The following LAMA2 variants were observed in gnomAD, a reference collection of about 807,000 sequenced individuals.
LAMA2 encodes laminin subunit alpha-2.
In LAMA2, 269 loss-of-function variants were observed where a neutral mutation model predicts 364.8. The observed-to-expected ratio is 0.74, with a 90% CI of 0.67 to 0.82. The LOEUF is 0.82. Ranked by LOEUF, LAMA2 falls within the 40% of genes least tolerant of loss-of-function variation. The probability of loss-of-function intolerance (pLI) is 0.00; values close to 1 mark genes in which losing one functional copy is unlikely to be tolerated. For missense variants in LAMA2, 3,807 were observed against 3,873.2 expected, an observed-to-expected ratio of 0.98 and a Z score of 0.45; for synonymous variants, 1,379 against 1,370.6, an observed-to-expected ratio of 1.01 and a Z score of -0.14.
At chr6:128,927,660 A>G (rs1199922431) in intron 1 of LAMA2, among the ~76,000 whole-genome samples, 3 of 152,116 alleles carry the variant, frequency 2.0e-5, no homozygotes, top group Non-Finnish European at 4.4e-5. Context: ...TGAGGGTCCC[A>G]TCAGTCTTCC....
intron 1 of LAMA2, among the ~76,000 whole-genome samples, chr6:128,893,197 A>G (rs992564065): frequency 5.3e-5 from 8 of 151,910 alleles, no homozygotes; most frequent in African/African-American, 1.9e-4. Flanking sequence ...AAAAATGACA[A>G]TGTAATGTTC....
chr6:129,129,458 G>A (rs1583095443), intron 4 of LAMA2, among the ~76,000 whole-genome samples: 1 of 152,102 alleles, frequency 6.6e-6, no homozygotes, highest in East Asian at 1.9e-4. Flanking sequence ...TGAGGATGAT[G>A]TTTATGCCAT....
chr6:128,913,756 AT>A (rs1208843493), intron 1 of LAMA2, among the ~76,000 whole-genome samples: 9 of 152,162 alleles, frequency 5.9e-5, no homozygotes, highest in African/African-American at 1.9e-4. Context: ...GCATAATCAT[AT>A]TTTTATGTAG....
intron 3 of LAMA2, among the ~76,000 whole-genome samples, chr6:129,091,687 G>A (rs1170515565): frequency 6.6e-6 from 1 of 152,100 alleles, no homozygotes; most frequent in Non-Finnish European, 1.5e-5. Context: ...AAATATGGGT[G>A]GGCAAGCTCC....
chr6:129,208,614 T>TGGAAGAAAGAAAGAAAGAA (rs1470943159), intron 12 of LAMA2, among the ~76,000 whole-genome samples: 4 of 92,834 alleles, frequency 4.3e-5, no homozygotes, highest in Non-Finnish European at 8.4e-5. Context: ...GGAGAAAGAA[T>TGGAAGAAAGAAAGAAAGAA]GGAAGAAAGA....
rs993782050 is a variant in LAMA2 at position 129,192,098 on chromosome 6, C to G, written c.1609-582C>G. On this transcript the variant is annotated intron_variant, in intron 11 of 64. Coordinates refer to ENST00000421865, the MANE Select transcript of LAMA2 (RefSeq NM_000426.4). ...AGTATTGCCAGGTGTTGTCATAGCA[C>G]CAAGGCTGGTGGGTTCAAATATCCT... Among the ~76,000 whole-genome samples, 30 of 152,276 alleles carry G rather than the reference C, an allele frequency of 2.0e-4. 1 individual carries two copies. The highest frequency in any genetic ancestry group is 3.4e-3 in the Middle Eastern group (1 of 294).
At chr6:129,351,198 T>C (rs976067415) in intron 31 of LAMA2, among the ~76,000 whole-genome samples, 1 of 151,984 alleles carries the variant, frequency 6.6e-6, no homozygotes, top group African/African-American at 2.4e-5. Flanking sequence ...GAAAAAAAAA[T>C]TATGATATAG....
At chr6:128,885,694 C>T (rs1012870329) in intron 1 of LAMA2, among the ~76,000 whole-genome samples, 1 of 152,154 alleles carries the variant, frequency 6.6e-6, no homozygotes, top group Non-Finnish European at 1.5e-5. Context: ...TAATTCGATA[C>T]CACTTTATTA....
chr6:129,395,993 G>C (rs1677593859), intron 37 of LAMA2, among the ~76,000 whole-genome samples: 2 of 152,226 alleles, frequency 1.3e-5, no homozygotes. Context: ...GAATCGCATT[G>C]TGAGACTAAG....
At chr6:129,199,218 T>C (rs933071419) in intron 12 of LAMA2, among the ~76,000 whole-genome samples, 1 of 152,150 alleles carries the variant, frequency 6.6e-6, no homozygotes, top group East Asian at 1.9e-4. Flanking sequence ...CCAGTTTAAG[T>C]AATTGACCAT....
chr6:129,508,693 T>C (rs759273864), intron 62 of LAMA2, among the ~76,000 whole-genome samples: 3 of 152,206 alleles, frequency 2.0e-5, no homozygotes, highest in Non-Finnish European at 4.4e-5. Context: ...TTGCAGATGA[T>C]AGGATCTCAT....
intron 40 of LAMA2, among the ~76,000 whole-genome samples, chr6:129,426,199 C>G (rs946214715): frequency 2.6e-5 from 4 of 152,124 alleles, no homozygotes; most frequent in African/African-American, 9.7e-5. Context: ...CCTCTCTCCA[C>G]TTTTTAGAGT....
intron 1 of LAMA2, among the ~76,000 whole-genome samples, chr6:128,902,194 A>C (rs539664387): frequency 3.9e-5 from 6 of 152,342 alleles, no homozygotes; most frequent in Middle Eastern, 3.4e-3. Context: ...CTCCCCCAAC[A>C]CATGGGGATT....
intron 29 of LAMA2, among the ~76,000 whole-genome samples, chr6:129,330,591 G>GTTTTTTTTTTT (rs1491387157): frequency 1.6e-4 from 13 of 83,786 alleles, no homozygotes; most frequent in African/African-American, 1.8e-4. Flanking sequence ...GTTGTTGTTT[G>GTTTTTTTTTTT]GTTTTTGTTT....
At chr6:128,950,352 A>C (rs1780733781) in intron 1 of LAMA2, among the ~76,000 whole-genome samples, 1 of 152,274 alleles carries the variant, frequency 6.6e-6, no homozygotes, top group Admixed American at 6.5e-5. Context: ...GTAGTCTGGA[A>C]AGGGTCATTA....
At chr6:128,955,311 C>T (rs1218004227) in intron 1 of LAMA2, among the ~76,000 whole-genome samples, 5 of 151,680 alleles carry the variant, frequency 3.3e-5, no homozygotes, top group Non-Finnish European at 7.4e-5. Context: ...TATTGTTATC[C>T]TCATTTTATA....
chr6:129,175,369 C>G (rs1780512343), intron 9 of LAMA2, among the ~76,000 whole-genome samples: 3 of 152,170 alleles, frequency 2.0e-5, no homozygotes, highest in Admixed American at 6.5e-5. Flanking sequence ...GTTTTGAGTA[C>G]TAACTGAATT....
At position 129,490,515 on chromosome 6, in the gene LAMA2, G is replaced by C. The variant is rs1256691865; in HGVS notation, c.7899-1386G>C. ...CTTTTTAAAATTCTAATCAAGAACA[G>C]AGATTTACTCTCCTTGGACAATCTT... On this transcript the variant is annotated intron_variant, in intron 56 of 64. Transcript: ENST00000421865. Among the ~76,000 whole-genome samples, 3 of 152,172 alleles carry C rather than the reference G, an allele frequency of 2.0e-5. No individual in the cohort carries two copies. In the East Asian group the frequency reaches 5.8e-4, roughly 29 times the overall value.
intron 1 of LAMA2, among the ~76,000 whole-genome samples, chr6:129,012,716 T>C (rs1784840454): frequency 6.6e-6 from 1 of 152,202 alleles, no homozygotes; most frequent in Admixed American, 6.5e-5. Flanking sequence ...GTTAGTTATG[T>C]TTTTTAGCTT....
Sources: allele counts gnomAD v4.1 joint callset (sites outside exome capture counted in the v4.1 genomes callset), GRCh38; gene constraint gnomAD v4.1.1; transcripts MANE v1.5; gene names NCBI Gene and HGNC (gene_info 2026-07-23, HGNC 2026-07-21).